The following PIK3R1 variants were observed in gnomAD, a reference collection of about 807,000 sequenced individuals.
PIK3R1 encodes phosphatidylinositol 3-kinase regulatory subunit alpha.
A neutral mutation model predicts 98.0 loss-of-function variants in PIK3R1; 29 were observed. The ratio of observed to expected loss-of-function variants is 0.30; its 90% CI spans 0.22 to 0.40. The LOEUF (loss-of-function observed/expected upper bound fraction) is 0.40. Ranked by LOEUF, PIK3R1 falls within the 10% of genes least tolerant of loss-of-function variation. The pLI, the probability that PIK3R1 is intolerant of heterozygous loss-of-function variation, is 1.00. For missense variants in PIK3R1, 596 were observed against 872.7 expected (o/e 0.68, Z 3.99); for synonymous variants, 282 against 311.8 (o/e 0.90, Z 1.01).
chr5:68,222,532 T>A (rs1744127471), intron 1 of PIK3R1, among the ~76,000 whole-genome samples: 1 of 152,142 alleles, frequency 6.6e-6, no homozygotes. Flanking sequence ...CTTCCAGAAG[T>A]GGTGTGCCCA....
chr5:68,301,436 GTGTGTATATATATATATA>G lies in PIK3R1; in HGVS notation c.*3851_*3868del, dbSNP rs1561308549. ...TATATATATATATATATATATATGT[GTGTGTATATATATATATA>G]TGTGTATATATATATGTATATACAT... On this transcript the variant is annotated 3_prime_UTR_variant, in exon 16 of 16. Transcript: ENST00000521381. 2.8e-5 allele frequency: 3 copies of G among 108,900 alleles called. No individual in the cohort carries two copies. Among genetic ancestry groups the G allele is most frequent in the Non-Finnish European group, 5.2e-5 (3 of 57,218 alleles). The allele number at this position is 108,900 out of a possible 1,614,324, so 6.7% of individuals were successfully genotyped here. A position where few individuals can be genotyped will look rare whatever the true frequency, so the allele number is the denominator to read the frequency against.
chr5:68,238,298 G>GAAGA (rs1218092246), intron 2 of PIK3R1, among the ~76,000 whole-genome samples: 1 of 152,168 alleles, frequency 6.6e-6, no homozygotes, highest in East Asian at 1.9e-4. Flanking sequence ...GGCATGGGTA[G>GAAGA]GTCTTTCCTT....
At chr5:68,217,211 T>A (rs970751297) in intron 1 of PIK3R1, among the ~76,000 whole-genome samples, 1 of 152,218 alleles carries the variant, frequency 6.6e-6, no homozygotes, top group African/African-American at 2.4e-5. Flanking sequence ...CAAGTTTTAG[T>A]AATCAGGAGG....
intron 2 of PIK3R1, among the ~76,000 whole-genome samples, chr5:68,261,509 A>G (rs1053527838): frequency 1.3e-5 from 2 of 152,178 alleles, no homozygotes; most frequent in Non-Finnish European, 2.9e-5. Context: ...CTTTTAAAAA[A>G]AAAAGTCACA....
chr5:68,238,752 T>G (rs1191110959), intron 2 of PIK3R1, among the ~76,000 whole-genome samples: 1 of 152,126 alleles, frequency 6.6e-6, no homozygotes, highest in Non-Finnish European at 1.5e-5. Flanking sequence ...CAAGTGTTGA[T>G]AAACAGGGAA....
At chr5:68,293,934 G>A in intron 11 of PIK3R1, 100 bp downstream of exon 11, 1 of 913,194 alleles carries the variant, frequency 1.1e-6, no homozygotes, top group Non-Finnish European at 1.7e-6. Flanking sequence ...TTACGAATGA[G>A]GTGGGGGTGA....
rs1748014305 is a variant in PIK3R1, at chr5:68,301,031, T to C, written c.*3430T>C. 4.3e-6 allele frequency: 1 copy of C among 232,242 alleles called. No homozygotes were observed. Among genetic ancestry groups the C allele is most frequent in the South Asian group, 1.8e-4 (1 of 5,518 alleles). The allele number at this position is 232,242 out of a possible 1,614,324, so 14.4% of individuals were successfully genotyped here. ...ACATGTTTGGGAAGTCCTACTGATG[T>C]TCCTTTGGAAGAAAAAATCTGCTGG... is the stretch of plus-strand genomic sequence containing the variant. On this transcript the variant is annotated 3_prime_UTR_variant, in exon 16 of 16. Coordinates refer to ENST00000521381, the MANE Select transcript of PIK3R1 (RefSeq NM_181523.3).
intron 2 of PIK3R1, among the ~76,000 whole-genome samples, chr5:68,231,728 C>T (rs1290228438): frequency 6.6e-6 from 1 of 152,198 alleles, no homozygotes; most frequent in Non-Finnish European, 1.5e-5. Flanking sequence ...AAATTCCTGC[C>T]TTTACGAATT....
At chr5:68,275,293 T>G (rs1422832961) in intron 4 of PIK3R1, among the ~76,000 whole-genome samples, 1 of 152,180 alleles carries the variant, frequency 6.6e-6, no homozygotes, top group African/African-American at 2.4e-5. Context: ...AAAGGCTTGT[T>G]TTTCGGTGTT....
At chr5:68,280,412 T>G in intron 5 of PIK3R1, 116 bp from the exon 6 acceptor site, 1 of 734,330 alleles carries the variant, frequency 1.4e-6, no homozygotes, top group South Asian at 1.7e-5. Context: ...CCCAACAACT[T>G]TTTAAATGAC....
In PIK3R1 at chr5:68,226,882, T is replaced by G. The variant is rs752891021; in HGVS notation, c.207T>G (p.Phe69Leu). Residue 69 changes from phenylalanine to leucine, a missense_variant, in exon 2 of 16, where the codon TTT becomes TTG. Coordinates refer to ENST00000521381, the MANE Select transcript of PIK3R1 (RefSeq NM_181523.3). Reference protein sequence around the residue: ...YNETTGERGDFPGTYVEYIGR... With the variant: ...YNETTGERGDLPGTYVEYIGR... The stretch of plus-strand genomic sequence containing the variant: ...AAACCACAGGGGAAAGGGGGGACTT[T>G]CCGGGAACTTACGTAGAATATATTG... 8.7e-6 allele frequency: 14 copies of G among 1,614,058 alleles called. No homozygotes were observed. Among genetic ancestry groups the G allele is most frequent in the Non-Finnish European group, 1.2e-5 (14 of 1,180,006 alleles).
chr5:68,282,660 C>T (rs1368667576), intron 7 of PIK3R1, among the ~76,000 whole-genome samples: 1 of 152,192 alleles, frequency 6.6e-6, no homozygotes, highest in Non-Finnish European at 1.5e-5. Context: ...GGTATCTGCA[C>T]TATTTTCATA....
intron 2 of PIK3R1, among the ~76,000 whole-genome samples, chr5:68,231,435 A>G (rs1023724967): frequency 4.6e-5 from 7 of 152,334 alleles, no homozygotes; most frequent in African/African-American, 1.4e-4. Context: ...TCCCTTTTAA[A>G]CAGAAAGAAA....
chr5:68,228,935 C>CT (rs1391096548), intron 2 of PIK3R1, among the ~76,000 whole-genome samples: 1 of 152,048 alleles, frequency 6.6e-6, no homozygotes, highest in Non-Finnish European at 1.5e-5. Context: ...ATAATGCTTG[C>CT]TTTCTCATGT....
chr5:68,294,506 T>C, intron 11 of PIK3R1, 30 bp from the exon 12 acceptor site: 1 of 1,557,030 alleles, frequency 6.4e-7, no homozygotes, highest in Non-Finnish European at 8.8e-7. Flanking sequence ...ATGAAAGGTA[T>C]GACATTATCT....
At chr5:68,288,344 G>C in intron 7 of PIK3R1, 1 of 946,906 alleles carries the variant, frequency 1.1e-6, no homozygotes, top group Non-Finnish European at 1.3e-6. Context: ...ATTTGAACCT[G>C]CCCAAGTTAA....
At chr5:68,282,802 T>G (rs1746904447) in intron 7 of PIK3R1, among the ~76,000 whole-genome samples, 1 of 152,242 alleles carries the variant, frequency 6.6e-6, no homozygotes, top group East Asian at 1.9e-4. Context: ...GAACATTTGC[T>G]AGATCATCCC....
chr5:68,219,165 T>G (rs1041934239), intron 1 of PIK3R1, among the ~76,000 whole-genome samples: 1 of 152,244 alleles, frequency 6.6e-6, no homozygotes, highest in Admixed American at 6.5e-5. Flanking sequence ...TTTATTTATT[T>G]GAAAGGCTAG....
chr5:68,263,280 A>G (rs1255722318), intron 2 of PIK3R1, among the ~76,000 whole-genome samples: 2 of 142,034 alleles, frequency 1.4e-5, no homozygotes, highest in Non-Finnish European at 3.0e-5. Context: ...TGCTATATCT[A>G]TAGGGCCTTC....
Sources: allele counts gnomAD v4.1 joint callset (sites outside exome capture counted in the v4.1 genomes callset), GRCh38; gene constraint gnomAD v4.1.1; transcripts MANE v1.5; gene names NCBI Gene and HGNC (gene_info 2026-07-23, HGNC 2026-07-21).